Variants in TGFBI observed in about 807,000 individuals in gnomAD.
The protein encoded by TGFBI is transforming growth factor-beta-induced protein ig-h3.
A neutral mutation model predicts 73.7 loss-of-function variants in TGFBI; 50 were observed. The observed-to-expected ratio is 0.68, with a 90% confidence interval of 0.54 to 0.86. The LOEUF (loss-of-function observed/expected upper bound fraction) is 0.86. Ranked by LOEUF, TGFBI falls within the 40% of genes least tolerant of loss-of-function variation. TGFBI has a pLI of 0.00. For synonymous variants in TGFBI, 362 were observed against 360.5 expected, an observed-to-expected ratio of 1.00 and a Z score of -0.05; for missense variants, 839 against 877.0, an observed-to-expected ratio of 0.96 and a Z score of 0.55.
rs774176873 is a variant in TGFBI, at chr5:136,053,138, G to C, written c.1126+19G>C. On this transcript the variant is annotated intron_variant, in intron 8 of 16. Coordinates refer to ENST00000442011, the MANE Select transcript of TGFBI (RefSeq NM_000358.3). Reference sequence around the variant, plus strand: ...GACTCAGGTAGGCCAGGCCTCCGGGGGCCTTGGCCCTGCCTGGCCCACCAT... The same window carrying C: ...GACTCAGGTAGGCCAGGCCTCCGGGCGCCTTGGCCCTGCCTGGCCCACCAT... The C allele has an allele frequency of 1.2e-6, 2 of 1,609,500 alleles. No homozygotes were observed. The highest frequency in any genetic ancestry group is 4.5e-5 in the East Asian group (2 of 44,834).
At position 136,033,814 on chromosome 5, in the gene TGFBI, C is replaced by T; in HGVS notation, c.186C>T (p.Phe62=). ...TTATTGGCACTAATAGGAAGTACTT[C>T]ACCAACTGCAAGCAGTGGTACCAAA... The part of the protein sequence containing the change: ...QKVIGTNRKY[F]TNCKQWYQRK... Residue 62 remains phenylalanine, a synonymous_variant, in exon 2 of 17, where the codon TTC becomes TTT. Transcript: ENST00000442011. 4 of 1,613,968 alleles carry T rather than the reference C, an allele frequency of 2.5e-6. No homozygotes were observed. Among genetic ancestry groups the T allele is most frequent in the Non-Finnish European group, 3.4e-6 (4 of 1,179,876 alleles).
In TGFBI at chr5:136,046,429, G is replaced by T. The variant is rs199604416; in HGVS notation, c.393G>T (p.Glu131Asp). The change falls in exon 4 of 17, where the codon GAG (glutamate) becomes GAT (aspartate). Residue 131 changes from glutamate to aspartate, a missense_variant. By Grantham distance (45) the Glu-to-Asp change is conservative (BLOSUM62 2). Coordinates refer to ENST00000442011, the MANE Select transcript of TGFBI (RefSeq NM_000358.3). Reference protein sequence around the residue: ...YTDRTEKLRPEMEGPGSFTIF... With the variant: ...YTDRTEKLRPDMEGPGSFTIF... ...ACCGCACGGAGAAGCTGAGGCCTGA[G>T]ATGGAGGGGCCCGGCAGCTTCACCA... 4.3e-6 allele frequency: 7 copies of T among 1,613,838 alleles called. No individual in the cohort carries two copies. The highest frequency in any genetic ancestry group is 5.9e-6 in the Non-Finnish European group (7 of 1,179,772).
chr5:136,053,015 G>A lies in TGFBI; in HGVS notation c.1022G>A (p.Gly341Glu). The change falls in exon 8 of 17, where the codon GGG becomes GAG. Residue 341 changes from glycine (G) to glutamate (E), a missense_variant. Coordinates refer to ENST00000442011, the MANE Select transcript of TGFBI (RefSeq NM_000358.3). ...ACGACACTGGAGGTGGGCTGCAGCGGGGACATGCTCACTATCAACGGGAAG... is the reference window on the plus strand; with the variant it reads ...ACGACACTGGAGGTGGGCTGCAGCGAGGACATGCTCACTATCAACGGGAAG... ...EGTTLEVGCS[G>E]DMLTINGKAI... 5 of 1,614,046 alleles carry A rather than the reference G, an allele frequency of 3.1e-6. No individual in the cohort carries two copies. Among genetic ancestry groups the A allele is most frequent in the Non-Finnish European group, 4.2e-6 (5 of 1,179,904 alleles).
intron 7 of TGFBI, among the ~76,000 whole-genome samples, chr5:136,051,586 G>A (rs554776118): frequency 2.0e-5 from 3 of 152,290 alleles, no homozygotes; most frequent in East Asian, 1.9e-4. Context: ...TGGTGCCATC[G>A]CTGCAGACTG....
At chr5:136,060,783 A>C in intron 13 of TGFBI, 51 bp from the exon 14 acceptor site, 6 of 1,330,350 alleles carry the variant, frequency 4.5e-6, no homozygotes, top group South Asian at 2.9e-5. Flanking sequence ...TAAATATATA[A>C]ATGTATAAAT....
chr5:136,035,495 G>T (rs1751202041), intron 2 of TGFBI, among the ~76,000 whole-genome samples: 2 of 151,704 alleles, frequency 1.3e-5, no homozygotes, highest in African/African-American at 4.8e-5. Context: ...CGTGGTGGCG[G>T]GCACCTGTAG....
intron 12 of TGFBI, 112 bp downstream of exon 12, chr5:136,056,907 A>C: frequency 7.4e-7 from 1 of 1,349,486 alleles, no homozygotes; most frequent in Non-Finnish European, 1.0e-6. Flanking sequence ...TTTTATGACA[A>C]GACTATTAGT....
Position 136,049,521 on chromosome 5 carries a change from T to G in TGFBI, c.854T>G (p.Phe285Cys). The change falls in exon 7 of 17, where the codon TTC (phenylalanine) becomes TGC (cysteine). Residue 285 changes from phenylalanine to cysteine, a missense_variant. By Grantham distance (205) the Phe-to-Cys change is radical (BLOSUM62 -2). Coordinates refer to ENST00000442011, the MANE Select transcript of TGFBI (RefSeq NM_000358.3). Reference sequence around the variant, plus strand: ...CTTTTGGCCCCGACCAATGAGGCCTTCGAGAAGATCCCTAGTGAGACTTTG... The same window carrying G: ...CTTTTGGCCCCGACCAATGAGGCCTGCGAGAAGATCCCTAGTGAGACTTTG... ...YTLLAPTNEA[F>C]EKIPSETLNR... is the part of the protein sequence containing the mutation. 1 of 1,613,962 alleles carries G rather than the reference T, an allele frequency of 6.2e-7. No homozygotes were observed. Among genetic ancestry groups the G allele is most frequent in the Non-Finnish European group, 8.5e-7 (1 of 1,179,880 alleles).
chr5:136,062,524 T>C (rs1751765877), intron 15 of TGFBI, 139 bp from the exon 16 acceptor site: 2 of 856,404 alleles, frequency 2.3e-6, no homozygotes, highest in African/African-American at 3.4e-5. Flanking sequence ...CCCTGGTGCC[T>C]ATAAGTTCCA....
chr5:136,041,718 A>G (rs968806305), intron 2 of TGFBI, among the ~76,000 whole-genome samples: 1 of 151,222 alleles, frequency 6.6e-6, no homozygotes, highest in South Asian at 2.1e-4. Flanking sequence ...TTCCTCCTAA[A>G]CCCCCAACCT....
chr5:136,046,705 A>T, intron 4 of TGFBI, 146 bp from the exon 5 acceptor site: 1 of 1,256,076 alleles, frequency 8.0e-7, no homozygotes, highest in African/African-American at 1.5e-5. Context: ...GGGCAGAAAG[A>T]CTTGGGTGCT....
chr5:136,060,444 CTCATGCCTGTAA>C (rs1751727166), intron 13 of TGFBI, among the ~76,000 whole-genome samples: 1 of 152,220 alleles, frequency 6.6e-6, no homozygotes, highest in East Asian at 1.9e-4. Flanking sequence ...GGTGCAGTGG[CTCATGCCTGTAA>C]TCCCAGCACT....
chr5:136,056,568 A>T, intron 11 of TGFBI, 97 bp from the exon 12 acceptor site: 1 of 1,526,302 alleles, frequency 6.6e-7, no homozygotes, highest in South Asian at 1.2e-5. Flanking sequence ...TACTATCCTC[A>T]GTGGTGAGGT....
chr5:136,031,511 G>C (rs1257312581), intron 1 of TGFBI, among the ~76,000 whole-genome samples: 1 of 152,226 alleles, frequency 6.6e-6, no homozygotes, highest in Non-Finnish European at 1.5e-5. Flanking sequence ...CCATTTTACA[G>C]GAGGTGAAAC....
chr5:136,043,819 G>C (rs1202577769), intron 2 of TGFBI, among the ~76,000 whole-genome samples: 1 of 152,238 alleles, frequency 6.6e-6, no homozygotes. Context: ...TGTTCTCCCA[G>C]TTGGTTGGCT....
intron 1 of TGFBI, among the ~76,000 whole-genome samples, chr5:136,030,319 G>A (rs796150696): frequency 1.2e-4 from 18 of 152,332 alleles, no homozygotes; most frequent in African/African-American, 4.1e-4. Flanking sequence ...GGCCCTGAAA[G>A]TCTTGGCTCC....
At chr5:136,038,155 C>T (rs532173791) in intron 2 of TGFBI, among the ~76,000 whole-genome samples, 3 of 152,140 alleles carry the variant, frequency 2.0e-5, no homozygotes, top group African/African-American at 7.2e-5. Flanking sequence ...GGGTTCTGTC[C>T]CATTCTGTAA....
chr5:136,048,519 GGA>G (rs1465259560), intron 6 of TGFBI: 1 of 152,276 alleles, frequency 6.6e-6, no homozygotes, highest in Non-Finnish European at 1.5e-5. Context: ...TACTCTATCT[GGA>G]GAGAGACAAC....
At chr5:136,059,591 C>T (rs1230474477) in intron 13 of TGFBI, among the ~76,000 whole-genome samples, 4 of 152,220 alleles carry the variant, frequency 2.6e-5, no homozygotes, top group African/African-American at 9.6e-5. Context: ...TACCATGAAC[C>T]AGACCATCCC....
Sources: allele counts gnomAD v4.1 joint callset (sites outside exome capture counted in the v4.1 genomes callset), GRCh38; gene constraint gnomAD v4.1.1; transcripts MANE v1.5; gene names NCBI Gene and HGNC (gene_info 2026-07-23, HGNC 2026-07-21).